RUNX2: variants seen among roughly 807,000 people sequenced by gnomAD.
RUNX2 encodes RUNX family transcription factor 2, also known as runt-related transcription factor 2.
In RUNX2, 10 loss-of-function variants were observed where a neutral mutation model predicts 51.7. That is an observed-to-expected ratio of 0.19 (90% CI 0.12 to 0.33). The LOEUF (loss-of-function observed/expected upper bound fraction) is 0.33, where lower values mean the gene tolerates loss of function less well. Among genes scored for constraint, RUNX2 ranks in the 10% least tolerant of loss-of-function variants. The pLI is 1.00. For missense variants in RUNX2, 562 were observed against 691.3 expected, an observed-to-expected ratio of 0.81 and a Z score of 2.10; for synonymous variants, 276 against 273.6, an observed-to-expected ratio of 1.01 and a Z score of -0.09.
At chr6:45,353,705 G>T (rs111559445) in intron 2 of RUNX2, among the ~76,000 whole-genome samples, 35 of 151,716 alleles carry the variant, frequency 2.3e-4, no homozygotes, top group African/African-American at 8.2e-4. Context: ...CAAAATCAAG[G>T]GTAGGACATT....
At chr6:45,536,615 G>C (rs1288251604) in intron 7 of RUNX2, among the ~76,000 whole-genome samples, 1 of 152,100 alleles carries the variant, frequency 6.6e-6, no homozygotes, top group Non-Finnish European at 1.5e-5. Context: ...TGTGTGATTC[G>C]GCCTTGAAAA....
At chr6:45,364,424 C>A (rs1329069238) in intron 2 of RUNX2, among the ~76,000 whole-genome samples, 1 of 152,128 alleles carries the variant, frequency 6.6e-6, no homozygotes, top group Non-Finnish European at 1.5e-5. Context: ...CAGATATATT[C>A]TTTTCAACTA....
At chr6:45,363,150 C>T (rs1794555089) in intron 2 of RUNX2, among the ~76,000 whole-genome samples, 1 of 151,984 alleles carries the variant, frequency 6.6e-6, no homozygotes, top group Non-Finnish European at 1.5e-5. Context: ...GTCTCTGTCG[C>T]AAATACTCAA....
rs182271617 is a variant in RUNX2 at position 45,490,106 on chromosome 6, G to A, written c.686-1835G>A. The stretch of plus-strand genomic sequence containing the variant: ...CTCGTGAAGGCTCAGCTAGTCGGCA[G>A]CCGAGGACCATAAGCTAGTTGTTCT... On this transcript the variant is annotated intron_variant, in intron 5 of 8. Coordinates refer to ENST00000647337, the MANE Select transcript of RUNX2 (RefSeq NM_001024630.4). Among the ~76,000 whole-genome samples, 628 of 152,290 alleles carry A rather than the reference G, an allele frequency of 4.1e-3. 2 individuals are homozygous for A. Among genetic ancestry groups the A allele is most frequent in the Non-Finnish European group, 7.0e-3 (473 of 68,024 alleles).
At chr6:45,443,755 G>A (rs1226436808) in intron 5 of RUNX2, among the ~76,000 whole-genome samples, 1 of 152,234 alleles carries the variant, frequency 6.6e-6, no homozygotes, top group Non-Finnish European at 1.5e-5. Context: ...CTACTCAAGT[G>A]AGAAGAACAT....
chr6:45,478,251 A>C (rs1275532768), intron 5 of RUNX2, among the ~76,000 whole-genome samples: 3 of 152,128 alleles, frequency 2.0e-5, no homozygotes, highest in Admixed American at 6.6e-5. Context: ...TACCGTGAGC[A>C]CCCTAGTTTA....
chr6:45,546,978 C>T lies in RUNX2; in HGVS notation c.1239C>T (p.Ser413=), dbSNP rs369957440. 1.4e-5 allele frequency: 23 copies of T among 1,613,938 alleles called. No homozygotes were observed. The highest frequency in any genetic ancestry group is 1.6e-4 in the Middle Eastern group (1 of 6,062). The part of the protein sequence containing the change: ...PVTSGMSLGM[S]ATTHYHTYLP... Reference sequence around the variant, plus strand: ...CCTCAGGCATGTCCCTCGGTATGTCCGCCACCACTCACTACCACACCTACC... The same window carrying T: ...CCTCAGGCATGTCCCTCGGTATGTCTGCCACCACTCACTACCACACCTACC... The change falls in exon 9 of 9, where the codon TCC becomes TCT. Residue 413 remains serine, a synonymous_variant. Transcript: ENST00000647337.
chr6:45,460,464 A>G (rs1295824274), intron 5 of RUNX2, among the ~76,000 whole-genome samples: 1 of 152,162 alleles, frequency 6.6e-6, no homozygotes, highest in Admixed American at 6.5e-5. Context: ...ATTAAGAGAA[A>G]TGGAGGCTAG....
chr6:45,371,186 A>G (rs191468244), intron 2 of RUNX2, among the ~76,000 whole-genome samples: 79 of 152,348 alleles, frequency 5.2e-4, no homozygotes, highest in South Asian at 1.2e-3. Flanking sequence ...CTTAAAAATC[A>G]AAACTCTCTT....
chr6:45,376,610 G>A (rs1796811372), intron 2 of RUNX2, among the ~76,000 whole-genome samples: 1 of 152,132 alleles, frequency 6.6e-6, no homozygotes, highest in South Asian at 2.1e-4. Flanking sequence ...GGCATACTTC[G>A]CTCCAACGTC....
rs146694755 is a variant in RUNX2, at chr6:45,380,280, A to G, written c.59-42313A>G. Among the ~76,000 whole-genome samples the G allele has an allele frequency of 2.1e-3, 326 of 152,376 alleles. 1 individual carries two copies. Among genetic ancestry groups the G allele is most frequent in the African/African-American group, 7.6e-3 (316 of 41,592 alleles). ...TCTCAGAAAAACAAGTGATTTTCCA[A>G]GGCATGTGGGGAAAACACATCAGGA... On this transcript the variant is annotated intron_variant, in intron 2 of 8. Transcript: ENST00000647337.
chr6:45,352,790 ATTCT>A (rs1308384569), intron 2 of RUNX2, among the ~76,000 whole-genome samples: 1 of 152,102 alleles, frequency 6.6e-6, no homozygotes, highest in Non-Finnish European at 1.5e-5. Context: ...AAATACCTTT[ATTCT>A]TTATTACTTA....
intron 3 of RUNX2, among the ~76,000 whole-genome samples, chr6:45,426,292 G>A (rs147944637): frequency 4.7e-4 from 72 of 152,230 alleles, no homozygotes; most frequent in African/African-American, 1.7e-3. Context: ...ACATTTTCAG[G>A]TGTATCTCAC....
At chr6:45,404,597 G>A (rs1797794020) in intron 2 of RUNX2, among the ~76,000 whole-genome samples, 1 of 152,124 alleles carries the variant, frequency 6.6e-6, no homozygotes, top group South Asian at 2.1e-4. Flanking sequence ...CTATGCAATT[G>A]AACAAAATTT....
intron 2 of RUNX2, among the ~76,000 whole-genome samples, chr6:45,403,229 CTTTTTTTTTTTT>C (rs201142802): frequency 9.2e-6 from 1 of 108,828 alleles, no homozygotes; most frequent in Admixed American, 1.0e-4. Flanking sequence ...GTTTGAGTTT[CTTTTTTTTTTTT>C]TTTTTTTTTG....
At position 45,422,996 on chromosome 6, in the gene RUNX2, G is replaced by C. The variant is rs3749864; in HGVS notation, c.423+39G>C. On this transcript the variant is annotated intron_variant, in intron 3 of 8. Transcript: ENST00000647337. ...CCGCCCCCCGCCCCCGGCCGGGAGC[G>C]GCGGAACCTGCCCGCCGGTGTCTTC... is the stretch of plus-strand genomic sequence containing the variant. The C allele has an allele frequency of 0.099, 157,026 of 1,591,676 alleles. 8,856 individuals are homozygous for C. The highest frequency in any genetic ancestry group is 0.19 in the South Asian group (16,691 of 89,776).
At chr6:45,542,756 A>G (rs1489040532) in intron 7 of RUNX2, among the ~76,000 whole-genome samples, 1 of 152,244 alleles carries the variant, frequency 6.6e-6, no homozygotes, top group Non-Finnish European at 1.5e-5. Context: ...GTGTATGTGT[A>G]TGTAGATAGA....
At chr6:45,408,490 C>T (rs1237294198) in intron 2 of RUNX2, among the ~76,000 whole-genome samples, 1 of 152,074 alleles carries the variant, frequency 6.6e-6, no homozygotes, top group African/African-American at 2.4e-5. Flanking sequence ...TGATGCAATG[C>T]AGCCCCTAAG....
At chr6:45,460,914 T>TA (rs1156424024) in intron 5 of RUNX2, among the ~76,000 whole-genome samples, 3 of 152,208 alleles carry the variant, frequency 2.0e-5, no homozygotes, top group African/African-American at 7.2e-5. Context: ...TTGTCATTTG[T>TA]AAAATGCAAC....
Sources: allele counts gnomAD v4.1 joint callset (sites outside exome capture counted in the v4.1 genomes callset), GRCh38; gene constraint gnomAD v4.1.1; transcripts MANE v1.5; gene names NCBI Gene and HGNC (gene_info 2026-07-23, HGNC 2026-07-21).